The following CCDC3 variants were observed in gnomAD, a reference collection of about 807,000 sequenced individuals.
The protein encoded by CCDC3 is coiled-coil domain containing 3, also known as coiled-coil domain-containing protein 3.
A neutral mutation model predicts 21.4 loss-of-function variants in CCDC3; 24 were observed. The observed-to-expected ratio is 1.12, with a 90% CI of 0.81 to 1.58. The LOEUF is 1.58. Ranked by LOEUF, CCDC3 falls within the 40% of genes most tolerant of loss-of-function variation. CCDC3 has a pLI of 0.00. For missense variants in CCDC3, 425 were observed against 360.9 expected (o/e 1.18, Z -1.44); for synonymous variants, 186 against 166.0 (o/e 1.12, Z -0.93).
chr10:13,039,691 A>G (rs1428707911), intron 5 of CCDC3, among the ~76,000 whole-genome samples: 2 of 152,076 alleles, frequency 1.3e-5, no homozygotes, highest in African/African-American at 2.4e-5. Context: ...TTCTGATTTC[A>G]CTGTAATTTG....
chr10:13,076,877 G>C (rs1278076516), intron 3 of CCDC3, among the ~76,000 whole-genome samples: 2 of 152,192 alleles, frequency 1.3e-5, no homozygotes, highest in Non-Finnish European at 2.9e-5. Context: ...AGCCAATGGA[G>C]ACAGGACAGA....
intron 5 of CCDC3, among the ~76,000 whole-genome samples, chr10:13,045,584 C>T (rs560476711): frequency 2.0e-5 from 3 of 152,180 alleles, no homozygotes; most frequent in Non-Finnish European, 2.9e-5. Flanking sequence ...CACCACCGTA[C>T]TCCAGCCTGG....
chr10:13,055,623 C>T (rs1898987), intron 4 of CCDC3, among the ~76,000 whole-genome samples: 36,514 of 152,114 alleles, frequency 0.24, 4,522 homozygotes, highest in Admixed American at 0.27. Flanking sequence ...CCTCTTGATG[C>T]AAGAGAAACG....
At chr10:12,986,034 C>A (rs958227937) in intron 2 of CCDC3, among the ~76,000 whole-genome samples, 4 of 152,178 alleles carry the variant, frequency 2.6e-5, no homozygotes, top group Non-Finnish European at 5.9e-5. Flanking sequence ...CGCCACCACG[C>A]CCAGTTAACT....
Position 12,948,588 on chromosome 10 carries a change from C to A in CCDC3, c.549+49750G>T, listed in dbSNP as rs59691480. 2.2e-3 allele frequency among the ~76,000 whole-genome samples: 336 copies of A among 152,144 alleles called. 1 individual carries two copies. The highest frequency in any genetic ancestry group is 7.7e-3 in the African/African-American group (321 of 41,506). On this transcript the variant is annotated intron_variant, in intron 2 of 2. Coordinates refer to ENST00000378825, the MANE Select transcript of CCDC3 (RefSeq NM_031455.4). ...AAAAAGTGTATCTCTTTCTTCAACT[C>A]TAATGTGAGAGTCATTGTCAAATAG...
At chr10:13,066,966 A>C (rs1836827339) in intron 4 of CCDC3, among the ~76,000 whole-genome samples, 1 of 152,150 alleles carries the variant, frequency 6.6e-6, no homozygotes, top group African/African-American at 2.4e-5. Flanking sequence ...GCTAGAGCCC[A>C]GTTTTAGCTG....
At chr10:12,971,883 T>C (rs1394918281) in intron 2 of CCDC3, among the ~76,000 whole-genome samples, 1 of 151,960 alleles carries the variant, frequency 6.6e-6, no homozygotes, top group Non-Finnish European at 1.5e-5. Context: ...GAGACAGGGT[T>C]TCACTACGTT....
At chr10:12,920,154 G>A (rs558724014) in intron 2 of CCDC3, among the ~76,000 whole-genome samples, 1 of 152,142 alleles carries the variant, frequency 6.6e-6, no homozygotes, top group African/African-American at 2.4e-5. Context: ...GGCTGGGGAG[G>A]CCTCACAATC....
intron 2 of CCDC3, among the ~76,000 whole-genome samples, chr10:12,953,803 T>A (rs986894009): frequency 6.6e-6 from 1 of 152,114 alleles, no homozygotes; most frequent in Non-Finnish European, 1.5e-5. Context: ...GAGAACAACA[T>A]AAGTCTTTGG....
chr10:13,011,112 C>A (rs575090372), intron 5 of CCDC3, among the ~76,000 whole-genome samples: 1 of 148,214 alleles, frequency 6.7e-6, no homozygotes, highest in Non-Finnish European at 1.5e-5. Context: ...ACCTGGGAGG[C>A]AGAAGTTGCA....
At chr10:13,067,093 T>C (rs1836828666) in intron 4 of CCDC3, among the ~76,000 whole-genome samples, 1 of 152,202 alleles carries the variant, frequency 6.6e-6, no homozygotes, top group Non-Finnish European at 1.5e-5. Flanking sequence ...CTTTTTGTCC[T>C]TGGGCTTCTT....
intron 2 of CCDC3, among the ~76,000 whole-genome samples, chr10:12,928,732 G>A (rs1299975939): frequency 2.0e-5 from 3 of 152,244 alleles, no homozygotes; most frequent in Non-Finnish European, 2.9e-5. Flanking sequence ...GGGGTAGGGT[G>A]GAGTGTGAAG....
intron 2 of CCDC3, among the ~76,000 whole-genome samples, chr10:12,899,097 T>C (rs1221888802): frequency 6.6e-6 from 1 of 152,020 alleles, no homozygotes; most frequent in South Asian, 2.1e-4. Context: ...TCGCGAAGGC[T>C]CTGATCAATG....
At chr10:13,056,530 G>A (rs562144890) in intron 4 of CCDC3, among the ~76,000 whole-genome samples, 1 of 152,212 alleles carries the variant, frequency 6.6e-6, no homozygotes, top group Non-Finnish European at 1.5e-5. Context: ...TCACACTCAA[G>A]CCTGGGAAGA....
chr10:12,948,326 C>T (rs542356616), intron 2 of CCDC3, among the ~76,000 whole-genome samples: 1 of 152,160 alleles, frequency 6.6e-6, no homozygotes, highest in East Asian at 1.9e-4. Context: ...TTAGGTATGT[C>T]TTTATTAGCA....
chr10:12,984,545 G>A (rs182059144), intron 2 of CCDC3, among the ~76,000 whole-genome samples: 19 of 152,060 alleles, frequency 1.2e-4, no homozygotes, highest in Admixed American at 2.6e-4. Context: ...CAGCAATTCC[G>A]CTCCTAGTTA....
intron 5 of CCDC3, among the ~76,000 whole-genome samples, chr10:13,008,263 G>A (rs1310489487): frequency 6.6e-6 from 1 of 152,172 alleles, no homozygotes; most frequent in African/African-American, 2.4e-5. Flanking sequence ...GCAAGAACAG[G>A]GGACTTCCAT....
chr10:12,982,792 C>CAA (rs61685162), intron 2 of CCDC3, among the ~76,000 whole-genome samples: 25 of 52,946 alleles, frequency 4.7e-4, no homozygotes, highest in South Asian at 2.7e-3. Context: ...GACTCTGTCT[C>CAA]AAAAAAAAAA....
chr10:12,961,735 TCCCA>T (rs1835181168), intron 2 of CCDC3, among the ~76,000 whole-genome samples: 1 of 152,158 alleles, frequency 6.6e-6, no homozygotes, highest in Non-Finnish European at 1.5e-5. Flanking sequence ...ACAGAGGGTC[TCCCA>T]CCCCTAAGTA....
Sources: allele counts gnomAD v4.1 joint callset (sites outside exome capture counted in the v4.1 genomes callset), GRCh38; gene constraint gnomAD v4.1.1; transcripts MANE v1.5; gene names NCBI Gene and HGNC (gene_info 2026-07-23, HGNC 2026-07-21).